Variants in FLT1 observed in about 807,000 individuals in gnomAD.
FLT1 encodes fms related receptor tyrosine kinase 1.
FLT1 carries 49 observed loss-of-function variants against 156.3 expected under a neutral mutation model. The observed-to-expected ratio is 0.31, with a 90% CI of 0.25 to 0.40. FLT1 has a LOEUF of 0.40. Among genes scored for constraint, FLT1 ranks in the 10% least tolerant of loss-of-function variants. FLT1 has a pLI of 1.00. For synonymous variants in FLT1, 594 were observed against 583.8 expected, an observed-to-expected ratio of 1.02 and a Z score of -0.25; for missense variants, 1,322 against 1,637.2, an observed-to-expected ratio of 0.81 and a Z score of 3.32.
intron 3 of FLT1, among the ~76,000 whole-genome samples, chr13:28,445,010 G>T (rs1211090278): frequency 6.6e-6 from 1 of 152,028 alleles, no homozygotes; most frequent in Non-Finnish European, 1.5e-5. Flanking sequence ...GCATAAGGGA[G>T]AAAATAATAA....
At chr13:28,454,402 C>G (rs1879145965) in intron 3 of FLT1, among the ~76,000 whole-genome samples, 1 of 152,136 alleles carries the variant, frequency 6.6e-6, no homozygotes, top group Non-Finnish European at 1.5e-5. Flanking sequence ...ATAGTGCATA[C>G]TATACACCAA....
At chr13:28,461,376 C>T (rs1019868109) in intron 3 of FLT1, among the ~76,000 whole-genome samples, 7 of 152,156 alleles carry the variant, frequency 4.6e-5, no homozygotes, top group African/African-American at 1.7e-4. Context: ...GGAAATAGAC[C>T]TAACCTAGCT....
intron 3 of FLT1, among the ~76,000 whole-genome samples, chr13:28,456,710 C>T (rs1352518561): frequency 1.3e-5 from 2 of 151,616 alleles, no homozygotes; most frequent in African/African-American, 4.9e-5. Flanking sequence ...GCAGGAGAAT[C>T]GTTTGAACCC....
intron 3 of FLT1, among the ~76,000 whole-genome samples, chr13:28,442,468 C>A (rs2137569125): frequency 6.6e-6 from 1 of 152,246 alleles, no homozygotes; most frequent in East Asian, 1.9e-4. Context: ...CTTTGAATTT[C>A]TTCTTTCCCT....
chr13:28,411,405 T>C (rs1294674184), intron 10 of FLT1, among the ~76,000 whole-genome samples: 1 of 151,574 alleles, frequency 6.6e-6, no homozygotes, highest in African/African-American at 2.4e-5. Flanking sequence ...ATACAAAAAT[T>C]AGCTAGGTGT....
At chr13:28,368,107 T>C in intron 14 of FLT1, 1 of 721,688 alleles carries the variant, frequency 1.4e-6, no homozygotes, top group Non-Finnish European at 1.7e-6. Flanking sequence ...GCATGTATGT[T>C]AAGTTTAATA....
intron 16 of FLT1, among the ~76,000 whole-genome samples, chr13:28,343,625 C>A (rs1473226037): frequency 6.6e-6 from 1 of 151,148 alleles, no homozygotes; most frequent in East Asian, 2.0e-4. Flanking sequence ...CAAAATTTCT[C>A]TTCTTTTCTT....
At chr13:28,428,414 A>T (rs1488673777) in intron 8 of FLT1, among the ~76,000 whole-genome samples, 1 of 152,200 alleles carries the variant, frequency 6.6e-6, no homozygotes, top group African/African-American at 2.4e-5. Context: ...TCCCTTTCAT[A>T]AACTAGAGTG....
At chr13:28,425,352 G>A (rs1240933434) in intron 10 of FLT1, among the ~76,000 whole-genome samples, 1 of 152,164 alleles carries the variant, frequency 6.6e-6, no homozygotes, top group Non-Finnish European at 1.5e-5. Context: ...GTAATGCTCT[G>A]AGTCTTGAGA....
intron 11 of FLT1, among the ~76,000 whole-genome samples, chr13:28,401,190 T>C (rs941095350): frequency 1.3e-5 from 2 of 152,066 alleles, no homozygotes; most frequent in Non-Finnish European, 2.9e-5. Context: ...CATGCCAAAA[T>C]ACATAAATAA....
At chr13:28,389,351 T>G in intron 13 of FLT1, 1 of 1,241,368 alleles carries the variant, frequency 8.1e-7, no homozygotes, top group Non-Finnish European at 1.0e-6. Flanking sequence ...GTTTAAATTA[T>G]TCAGTTTGTG....
At chr13:28,315,236 G>C (rs1011575307) in intron 25 of FLT1, among the ~76,000 whole-genome samples, 1 of 152,122 alleles carries the variant, frequency 6.6e-6, no homozygotes, top group Non-Finnish European at 1.5e-5. Flanking sequence ...TATTTAATCA[G>C]TACTATTCAA....
chr13:28,430,166 A>C lies in FLT1; in HGVS notation c.990T>G (p.Asp330Glu). Residue 330 changes from aspartate to glutamate, a missense_variant and splice_region_variant, in exon 8 of 30, where the codon GAT becomes GAG. Around this residue, in one of 3 missense-constraint regions of FLT1, gnomAD observed 991 missense variants for 1,254.8 expected, o/e 0.79. Coordinates refer to ENST00000282397, the MANE Select transcript of FLT1 (RefSeq NM_002019.4). Reference protein sequence around the residue: ...KSVNTSVHIYDKAFITVKHRK... With the variant: ...KSVNTSVHIYEKAFITVKHRK... ...GATGTTTCACAGTGATGAATGCTTT[A>C]TCTTTGAAAGGAGAAGTGATACATA... The C allele has an allele frequency of 6.2e-7, 1 of 1,607,078 alleles. No individual in the cohort carries two copies. The highest frequency in any genetic ancestry group is 8.5e-7 in the Non-Finnish European group (1 of 1,173,618).
At chr13:28,344,007 G>GCCCCCC (rs1555302045) in intron 16 of FLT1, among the ~76,000 whole-genome samples, 55 of 146,082 alleles carry the variant, frequency 3.8e-4, no homozygotes, top group Admixed American at 1.3e-3. Context: ...ATTCACTCTT[G>GCCCCCC]CCCCCCACCA....
chr13:28,487,247 C>T (rs578227512), intron 1 of FLT1, among the ~76,000 whole-genome samples: 19 of 152,294 alleles, frequency 1.2e-4, no homozygotes, highest in Admixed American at 2.6e-4. Context: ...CTGGGGACCA[C>T]GGCCCTAGAG....
rs748627580 is a variant in FLT1 at position 28,327,525 on chromosome 13, G to C, written c.2733C>G (p.Tyr911Ter). The change falls in exon 20 of 30, where the codon TAC becomes TAG. Residue 911 changes from tyrosine to a stop codon, truncating the protein, a stop_gained. Transcript: ENST00000282397. LOFTEE classifies it high-confidence loss of function. Reference sequence around the variant, plus strand: ...AGTTGGAGAGATTTCCATATTTGCAGTATTCAACAATCACCATCAGAGGCC... The same window carrying C: ...AGTTGGAGAGATTTCCATATTTGCACTATTCAACAATCACCATCAGAGGCC... Reference protein sequence around the residue: ...QGGPLMVIVEYCKYGNLSNYL... With the variant: ...QGGPLMVIVE The C allele has an allele frequency of 1.9e-6, 3 of 1,613,290 alleles. No individual in the cohort carries two copies.
At chr13:28,491,111 G>A (rs1881446194) in intron 1 of FLT1, among the ~76,000 whole-genome samples, 4 of 108,880 alleles carry the variant, frequency 3.7e-5, no homozygotes, top group Admixed American at 3.0e-4. Context: ...TCAATAGGCT[G>A]CATAACCTTC....
In FLT1 at chr13:28,361,289, A is replaced by G. The variant is rs183932878; in HGVS notation, c.2117-3604T>C. Among the ~76,000 whole-genome samples, 574 of 152,248 alleles carry G rather than the reference A, an allele frequency of 3.8e-3. 3 individuals carry two copies. Among genetic ancestry groups the G allele is most frequent in the African/African-American group, 0.013 (530 of 41,542 alleles). ...GCAAGACTCCATCTCAAAAAACAAA[A>G]AAAAAAGAAATGTAAAAAACACACA... On this transcript the variant is annotated intron_variant, in intron 14 of 29. Transcript: ENST00000282397.
chr13:28,441,090 T>C (rs376273299), intron 3 of FLT1, among the ~76,000 whole-genome samples: 1 of 152,052 alleles, frequency 6.6e-6, no homozygotes, highest in African/African-American at 2.4e-5. Context: ...ATCTCAGAAG[T>C]TGGGGGAGCA....
Sources: allele counts gnomAD v4.1 joint callset (sites outside exome capture counted in the v4.1 genomes callset), GRCh38; gene constraint gnomAD v4.1.1; regional missense constraint gnomAD v4.1.1; transcripts MANE v1.5; gene names NCBI Gene and HGNC (gene_info 2026-07-23, HGNC 2026-07-21).